Variants in NRG3 observed in about 807,000 individuals in gnomAD.
The protein encoded by NRG3 is pro-neuregulin-3, membrane-bound isoform.
In NRG3, 31 loss-of-function variants were observed where a neutral mutation model predicts 66.9. That is an observed-to-expected ratio of 0.46 (90% CI 0.35 to 0.63). The LOEUF is 0.63. NRG3 is among the 20% of genes least tolerant of loss of function. The pLI is 0.00. For synonymous variants in NRG3, 393 were observed against 359.4 expected (o/e 1.09, Z -1.06); for missense variants, 910 against 878.9 (o/e 1.04, Z -0.45).
At chr10:82,842,396 T>G (rs1564556459) in intron 3 of NRG3, among the ~76,000 whole-genome samples, 1 of 152,224 alleles carries the variant, frequency 6.6e-6, no homozygotes, top group African/African-American at 2.4e-5. Flanking sequence ...GGGAATAAAG[T>G]TGATGAAGCT....
At chr10:82,862,094 C>T (rs1349029874) in intron 3 of NRG3, among the ~76,000 whole-genome samples, 4 of 152,156 alleles carry the variant, frequency 2.6e-5, no homozygotes, top group Admixed American at 1.3e-4. Flanking sequence ...GTGTAAAGCT[C>T]AGTGGGCCAC....
At chr10:82,367,981 T>C (rs1406179940) in intron 2 of NRG3, among the ~76,000 whole-genome samples, 1 of 152,126 alleles carries the variant, frequency 6.6e-6, no homozygotes, top group Non-Finnish European at 1.5e-5. Context: ...CCAGCCTAGG[T>C]GACAGAGTGA....
chr10:82,196,761 A>C (rs903095445), intron 1 of NRG3, among the ~76,000 whole-genome samples: 5 of 152,162 alleles, frequency 3.3e-5, no homozygotes, highest in African/African-American at 1.2e-4. Context: ...GTGATAAGGA[A>C]GAGGGTGAAT....
intron 1 of NRG3, among the ~76,000 whole-genome samples, chr10:81,964,192 G>T (rs1311281339): frequency 6.6e-6 from 1 of 151,848 alleles, no homozygotes; most frequent in African/African-American, 2.4e-5. Flanking sequence ...TTACTCCAAT[G>T]GAATCATATT....
intron 2 of NRG3, among the ~76,000 whole-genome samples, chr10:82,618,973 G>A (rs2133588666): frequency 6.6e-6 from 1 of 151,222 alleles, no homozygotes; most frequent in East Asian, 1.9e-4. Context: ...ATTTCTACCA[G>A]GATAAAGGTG....
At chr10:82,293,648 G>T (rs2079870991) in intron 1 of NRG3, among the ~76,000 whole-genome samples, 1 of 152,014 alleles carries the variant, frequency 6.6e-6, no homozygotes, top group Non-Finnish European at 1.5e-5. Context: ...GATTGTTCAG[G>T]CATGACCAAC....
intron 4 of NRG3, among the ~76,000 whole-genome samples, chr10:82,942,734 G>A (rs888921370): frequency 6.6e-5 from 10 of 152,132 alleles, no homozygotes; most frequent in African/African-American, 2.4e-4. Context: ...GCATGCGTCT[G>A]TTTCACCACC....
chr10:82,434,491 T>G (rs942676392), intron 2 of NRG3, among the ~76,000 whole-genome samples: 13 of 152,272 alleles, frequency 8.5e-5, no homozygotes, highest in African/African-American at 3.1e-4. Flanking sequence ...CTATGTTGAA[T>G]AGGAGTGGTG....
At chr10:81,984,181 C>T (rs2133497058) in intron 1 of NRG3, among the ~76,000 whole-genome samples, 1 of 152,266 alleles carries the variant, frequency 6.6e-6, no homozygotes, top group East Asian at 1.9e-4. Flanking sequence ...CATTTTTGAA[C>T]TTCTGACCTC....
chr10:82,709,810 A>G (rs1366231099), intron 2 of NRG3, among the ~76,000 whole-genome samples: 1 of 152,130 alleles, frequency 6.6e-6, no homozygotes, highest in Non-Finnish European at 1.5e-5. Context: ...CCAAGTTCCC[A>G]TTGTCTGGGT....
At chr10:82,772,808 C>CA (rs1229357121) in intron 3 of NRG3, among the ~76,000 whole-genome samples, 1 of 148,730 alleles carries the variant, frequency 6.7e-6, no homozygotes, top group African/African-American at 2.5e-5. Flanking sequence ...TGGGCTCAAG[C>CA]AACACTCTGA....
At chr10:82,007,082 G>T (rs1213694603) in intron 1 of NRG3, among the ~76,000 whole-genome samples, 2 of 151,776 alleles carry the variant, frequency 1.3e-5, no homozygotes, top group Non-Finnish European at 2.9e-5. Flanking sequence ...TCTTTTTATG[G>T]CATTCAATAG....
intron 2 of NRG3, among the ~76,000 whole-genome samples, chr10:82,552,994 T>A (rs868478074): frequency 1.8e-4 from 27 of 151,844 alleles, no homozygotes; most frequent in South Asian, 1.2e-3. Context: ...GTGGCAAATC[T>A]GCTTATCTGT....
At chr10:82,724,804 G>T (rs967262239) in intron 2 of NRG3, among the ~76,000 whole-genome samples, 2 of 152,122 alleles carry the variant, frequency 1.3e-5, no homozygotes, top group Admixed American at 6.5e-5. Flanking sequence ...TTGCTAATGA[G>T]CTCTGTCTCT....
chr10:82,687,486 A>G (rs1030466087), intron 2 of NRG3, among the ~76,000 whole-genome samples: 56 of 152,174 alleles, frequency 3.7e-4, no homozygotes, highest in African/African-American at 1.2e-3. Flanking sequence ...TGCAGATAAT[A>G]CAGATCTCTT....
intron 1 of NRG3, among the ~76,000 whole-genome samples, chr10:81,895,349 A>G (rs547385512): frequency 6.6e-6 from 1 of 152,244 alleles, no homozygotes; most frequent in South Asian, 2.1e-4. Flanking sequence ...GATACATTCT[A>G]ATAACAGCCC....
intron 2 of NRG3, among the ~76,000 whole-genome samples, chr10:82,562,863 C>T (rs1216282609): frequency 6.6e-6 from 1 of 151,984 alleles, no homozygotes; most frequent in East Asian, 1.9e-4. Context: ...GGAGGGCACC[C>T]TGGCTCTTTA....
At chr10:82,265,807 T>C (rs2078266904) in intron 1 of NRG3, among the ~76,000 whole-genome samples, 1 of 152,120 alleles carries the variant, frequency 6.6e-6, no homozygotes, top group African/African-American at 2.4e-5. Context: ...ACCAGAAGCA[T>C]TCATTGATAG....
intron 3 of NRG3, among the ~76,000 whole-genome samples, chr10:82,759,468 A>G (rs1014290559): frequency 2.6e-5 from 4 of 152,196 alleles, no homozygotes; most frequent in African/African-American, 9.6e-5. Context: ...AACTCTAAAC[A>G]GAGACATTAA....
Sources: gnomAD v4.1 joint callset for allele counts (sites outside exome capture counted in the v4.1 genomes callset) on GRCh38, gnomAD v4.1.1 for gene constraint, MANE v1.5 for transcripts, NCBI Gene and HGNC (gene_info 2026-07-23, HGNC 2026-07-21) for gene names.